RNF144A: variants seen among roughly 807,000 people sequenced by gnomAD.
RNF144A encodes ring finger protein 144A.
A neutral mutation model predicts 38.7 loss-of-function variants in RNF144A; 11 were observed. The ratio of observed to expected loss-of-function variants is 0.28; its 90% confidence interval spans 0.18 to 0.47. The LOEUF is 0.47. RNF144A is among the 20% of genes least tolerant of loss of function. The probability of loss-of-function intolerance (pLI) is 0.99; values close to 1 mark genes in which losing one functional copy is unlikely to be tolerated. For synonymous variants in RNF144A, 149 were observed against 143.9 expected (o/e 1.04, Z -0.25); for missense variants, 316 against 377.2 (o/e 0.84, Z 1.34).
chr2:7,074,653 G>A, the RNF144A span: 6 of 152,142 alleles, frequency 3.9e-5, no homozygotes, highest in African/African-American at 1.4e-4. Context: ...TGGGTTATAA[G>A]CTTTGTGGGG....
intron 2 of RNF144A, among the ~76,000 whole-genome samples, chr2:6,954,156 T>C (rs2103318633): frequency 6.6e-6 from 1 of 152,282 alleles, no homozygotes; most frequent in East Asian, 1.9e-4. Context: ...TTCTTGGCTA[T>C]CAAGCTTAAT....
At chr2:6,940,529 T>C (rs915400093) in intron 1 of RNF144A, among the ~76,000 whole-genome samples, 19 of 152,162 alleles carry the variant, frequency 1.2e-4, no homozygotes, top group African/African-American at 4.6e-4. Flanking sequence ...TTCATTAGTT[T>C]ATTTTTATCC....
At chr2:7,072,656 G>T (rs558658524), downstream of RNF144A, among the ~76,000 whole-genome samples, 24 of 152,308 alleles carry the variant, frequency 1.6e-4, 1 homozygote, top group African/African-American at 5.3e-4. Context: ...TCTCGCCCCA[G>T]TTAGTGTCTG....
the RNF144A span, among the ~76,000 whole-genome samples, chr2:7,075,281 T>TCCC: frequency 5.5e-5 from 8 of 144,418 alleles, no homozygotes; most frequent in East Asian, 4.2e-4. Flanking sequence ...AGCTGGAACA[T>TCCC]CCCCCCCCCC....
In RNF144A at chr2:6,942,876, C is replaced by T. The variant is rs563399764; in HGVS notation, c.-12+1729C>T. 3.9e-5 allele frequency among the ~76,000 whole-genome samples: 6 copies of T among 152,192 alleles called. No homozygotes were observed. The South Asian group carries it at 6.2e-4, about 16-fold the overall frequency. ...GCAGGTGCCTGTAATTCCAGCTACT[C>T]GGGAGGCTGAGTCAGGAGAATTGCT... On this transcript the variant is annotated intron_variant, in intron 2 of 8. Transcript: ENST00000320892.
In RNF144A at chr2:7,040,508, A is replaced by C. The variant is rs1456152660; in HGVS notation, c.*748A>C. The stretch of plus-strand genomic sequence containing the variant: ...ATTGACGTGTTTAAAGGAACATCTC[A>C]TCTCCATTAGATTTGCCTTTTGTTG... On this transcript the variant is annotated 3_prime_UTR_variant, in exon 9 of 9. Coordinates refer to ENST00000320892, the MANE Select transcript of RNF144A (RefSeq NM_014746.6). The C allele has an allele frequency of 1.0e-6, 1 of 985,338 alleles. No individual in the cohort carries two copies. The highest frequency in any genetic ancestry group is 1.2e-6 in the Non-Finnish European group (1 of 829,946). 61.0% of individuals were successfully genotyped at this position (985,338 alleles called of 1,614,324 possible).
At position 6,944,272 on chromosome 2, in the gene RNF144A, C is replaced by T. The variant is rs931938079; in HGVS notation, c.-12+3125C>T. The stretch of plus-strand genomic sequence containing the variant: ...GTGATCTGAGGTGGTGTGAGGAACC[C>T]GGAATGTGGGGTGTCTGCGGGTGCT... On this transcript the variant is annotated intron_variant, in intron 2 of 8. Transcript: ENST00000320892. The surrounding 1 kb of genome is among the most constrained non-coding windows in gnomAD (Gnocchi z 4.7). Among the ~76,000 whole-genome samples, 6 of 152,166 alleles carry T rather than the reference C, an allele frequency of 3.9e-5. No homozygotes were observed. Among genetic ancestry groups the T allele is most frequent in the South Asian group, 2.1e-4 (1 of 4,818 alleles).
chr2:7,016,791 G>A (rs1378139944), intron 5 of RNF144A, among the ~76,000 whole-genome samples: 1 of 152,042 alleles, frequency 6.6e-6, no homozygotes, highest in African/African-American at 2.4e-5. Flanking sequence ...TAGTCAAGTA[G>A]AGGACGCCCT....
intron 2 of RNF144A, among the ~76,000 whole-genome samples, chr2:6,959,882 G>A (rs1436443796): frequency 6.6e-6 from 1 of 152,170 alleles, no homozygotes; most frequent in Non-Finnish European, 1.5e-5. Flanking sequence ...AGCAAGTGAA[G>A]TTCCCAATTC....
intron 5 of RNF144A, among the ~76,000 whole-genome samples, chr2:7,015,075 G>T (rs1456100366): frequency 6.6e-6 from 1 of 152,184 alleles, no homozygotes; most frequent in Non-Finnish European, 1.5e-5. Flanking sequence ...TTATATTTCA[G>T]CCAGCTTAAG....
At position 6,943,525 on chromosome 2, in the gene RNF144A, C is replaced by G. The variant is rs1666149583; in HGVS notation, c.-12+2378C>G. ...AGGAGAATTATTTTTCAGTTGGAAG[C>G]ATTATCAGCATGTTTAGATGCTGAT... is the stretch of plus-strand genomic sequence containing the variant. On this transcript the variant is annotated intron_variant, in intron 2 of 8. Transcript: ENST00000320892. The surrounding 1 kb of genome is among the most constrained non-coding windows in gnomAD (Gnocchi z 4.3). 6.6e-6 allele frequency among the ~76,000 whole-genome samples: 1 copy of G among 152,160 alleles called. No individual in the cohort carries two copies. The highest frequency in any genetic ancestry group is 2.1e-4 in the South Asian group (1 of 4,832).
chr2:7,053,311 A>AT (rs1375075594), intron 6 of RNF144A, among the ~76,000 whole-genome samples: 1 of 152,252 alleles, frequency 6.6e-6, no homozygotes, highest in African/African-American at 2.4e-5. Context: ...GATGCACATT[A>AT]TATTAGTTGT....
intron 2 of RNF144A, among the ~76,000 whole-genome samples, chr2:6,970,738 C>A: frequency 6.6e-6 from 1 of 152,138 alleles, no homozygotes; most frequent in East Asian, 1.9e-4. Flanking sequence ...AGTGTCCACA[C>A]CCTCGGCCAC....
intron 6 of RNF144A, among the ~76,000 whole-genome samples, chr2:7,063,715 G>A (rs1372358971): frequency 6.6e-6 from 1 of 152,122 alleles, no homozygotes; most frequent in Admixed American, 6.5e-5. Flanking sequence ...AATGGGAGTA[G>A]AGAGCAAAAC....
intron 5 of RNF144A, among the ~76,000 whole-genome samples, chr2:7,018,466 C>T (rs1188694807): frequency 2.0e-5 from 3 of 152,188 alleles, no homozygotes; most frequent in Admixed American, 6.5e-5. Flanking sequence ...GGCCAGCTGC[C>T]TTTAGCCTTT....
intron 3 of RNF144A, among the ~76,000 whole-genome samples, chr2:7,010,396 T>C (rs445411): frequency 0.58 from 88,887 of 152,100 alleles, 26,640 homozygotes; most frequent in Non-Finnish European, 0.64. Flanking sequence ...GCGTGTAATG[T>C]TTGTGTTAAT....
intron 7 of RNF144A, among the ~76,000 whole-genome samples, chr2:7,028,273 G>T (rs1558445560): frequency 6.6e-6 from 1 of 152,220 alleles, no homozygotes; most frequent in South Asian, 2.1e-4. Context: ...CTCATACGTG[G>T]CCTGGCCAGA....
chr2:7,024,237 T>C (rs1671723025), intron 6 of RNF144A, 132 bp from the exon 7 acceptor site: 1 of 817,248 alleles, frequency 1.2e-6, no homozygotes, highest in Non-Finnish European at 1.7e-6. Flanking sequence ...TTTTGGTTTT[T>C]GTTTTGTTTT....
intron 6 of RNF144A, among the ~76,000 whole-genome samples, chr2:7,059,133 G>A (rs1435665374): frequency 3.9e-5 from 6 of 152,064 alleles, no homozygotes; most frequent in Non-Finnish European, 8.8e-5. Context: ...AGATCATGAG[G>A]TCAAGAGATC....
Sources: allele counts gnomAD v4.1 joint callset (sites outside exome capture counted in the v4.1 genomes callset), GRCh38; gene constraint gnomAD v4.1.1; non-coding constraint Gnocchi (gnomAD v3.1); transcripts MANE v1.5; gene names NCBI Gene and HGNC (gene_info 2026-07-23, HGNC 2026-07-21).